Variants in ZFAND3 observed in about 807,000 individuals in gnomAD.
ZFAND3 encodes AN1-type zinc finger protein 3.
In ZFAND3, 10 loss-of-function variants were observed where a neutral mutation model predicts 29.6. The ratio of observed to expected loss-of-function variants is 0.34; its 90% CI spans 0.21 to 0.57. The LOEUF is 0.57. ZFAND3 is among the 20% of genes least tolerant of loss of function. The pLI, the probability that ZFAND3 is intolerant of heterozygous loss-of-function variation, is 0.86. For synonymous variants in ZFAND3, 128 were observed against 112.6 expected, an observed-to-expected ratio of 1.14 and a Z score of -0.87; for missense variants, 230 against 304.5, an observed-to-expected ratio of 0.76 and a Z score of 1.82.
chr6:37,864,663 G>A (rs1764552650), intron 1 of ZFAND3, among the ~76,000 whole-genome samples: 1 of 151,908 alleles, frequency 6.6e-6, no homozygotes, highest in Non-Finnish European at 1.5e-5. Context: ...ATGTATGTGT[G>A]TGGGTGTATA....
rs1581712422 is a variant in ZFAND3 at position 37,856,719 on chromosome 6, A to G, written c.71+36703A>G. On this transcript the variant is annotated intron_variant, in intron 1 of 5. Coordinates refer to ENST00000287218, the MANE Select transcript of ZFAND3 (RefSeq NM_021943.3). ...AATATACATATTTCTTATTTTTTAT[A>G]TACAATAATTTTGTGAGGATGTATT... Among the ~76,000 whole-genome samples the G allele has an allele frequency of 3.9e-5, 6 of 152,284 alleles. No individual in the cohort carries two copies. The South Asian group carries it at 1.2e-3, about 32-fold the overall frequency.
chr6:37,926,953 G>A (rs1761496468), intron 1 of ZFAND3, among the ~76,000 whole-genome samples: 1 of 152,172 alleles, frequency 6.6e-6, no homozygotes, highest in African/African-American at 2.4e-5. Context: ...TGACCCATGT[G>A]ATCCAAGCTG....
intron 5 of ZFAND3, among the ~76,000 whole-genome samples, chr6:38,139,353 A>G (rs1009161685): frequency 2.6e-5 from 4 of 152,200 alleles, no homozygotes; most frequent in African/African-American, 9.6e-5. Context: ...GCTTGATTTT[A>G]TGAAATCTAG....
intron 2 of ZFAND3, among the ~76,000 whole-genome samples, chr6:38,002,365 G>T (rs1762964950): frequency 6.7e-6 from 1 of 150,016 alleles, no homozygotes; most frequent in Non-Finnish European, 1.5e-5. Context: ...ATACAGTTTT[G>T]GGAAAATATG....
At chr6:37,913,807 T>C (rs532686568) in intron 1 of ZFAND3, among the ~76,000 whole-genome samples, 88 of 149,362 alleles carry the variant, frequency 5.9e-4, no homozygotes, top group African/African-American at 2.1e-3. Flanking sequence ...GCCTCCCGGG[T>C]TTAAGCGATT....
intron 1 of ZFAND3, among the ~76,000 whole-genome samples, chr6:37,849,253 G>A (rs1430126528): frequency 6.6e-6 from 1 of 152,122 alleles, no homozygotes; most frequent in African/African-American, 2.4e-5. Flanking sequence ...TCCCCTTTTA[G>A]AGTTGCATTG....
At chr6:37,964,285 C>T (rs1381462009) in intron 2 of ZFAND3, among the ~76,000 whole-genome samples, 2 of 152,164 alleles carry the variant, frequency 1.3e-5, no homozygotes, top group African/African-American at 4.8e-5. Context: ...ACTACCCTAC[C>T]ATGCTACAGG....
Position 37,909,284 on chromosome 6 carries a change from T to C in ZFAND3, c.72-20675T>C, listed in dbSNP as rs866182175. Among the ~76,000 whole-genome samples, 49 of 151,112 alleles carry C rather than the reference T, an allele frequency of 3.2e-4. 1 individual carries two copies. Among genetic ancestry groups the C allele is most frequent in the Admixed American group, 1.1e-3 (17 of 15,180 alleles). ...ATTTTTTTTCTTTTTTTCTTTTTTT[T>C]TTTTTTCTTTTTTGAGACGGAGTCT... On this transcript the variant is annotated intron_variant, in intron 1 of 5. Coordinates refer to ENST00000287218, the MANE Select transcript of ZFAND3 (RefSeq NM_021943.3).
At chr6:38,138,569 C>G (rs9357262) in intron 5 of ZFAND3, among the ~76,000 whole-genome samples, 8,203 of 152,282 alleles carry the variant, frequency 0.054, 630 homozygotes, top group East Asian at 0.39. Context: ...GGCTGCCTTT[C>G]TCTTCCATCA....
At chr6:37,939,614 T>A (rs527945856) in intron 2 of ZFAND3, among the ~76,000 whole-genome samples, 2 of 152,320 alleles carry the variant, frequency 1.3e-5, no homozygotes, top group East Asian at 3.9e-4. Flanking sequence ...ATGGAAGAGA[T>A]GTGCACTCAA....
chr6:37,862,034 A>AT (rs1478715613), intron 1 of ZFAND3, among the ~76,000 whole-genome samples: 2 of 152,166 alleles, frequency 1.3e-5, no homozygotes, highest in Non-Finnish European at 2.9e-5. Flanking sequence ...CTTCAGAATT[A>AT]TTTTTTAAAA....
At chr6:37,998,007 C>G (rs1463617574) in intron 2 of ZFAND3, among the ~76,000 whole-genome samples, 2 of 152,106 alleles carry the variant, frequency 1.3e-5, no homozygotes, top group Non-Finnish European at 2.9e-5. Flanking sequence ...CACAGAAAAA[C>G]CTGCATATGA....
At chr6:37,927,049 A>G (rs1488261294) in intron 1 of ZFAND3, among the ~76,000 whole-genome samples, 3 of 152,192 alleles carry the variant, frequency 2.0e-5, no homozygotes, top group Non-Finnish European at 4.4e-5. Flanking sequence ...TAATAATATC[A>G]GTAGTTATAT....
intron 2 of ZFAND3, among the ~76,000 whole-genome samples, chr6:38,057,365 C>G (rs971219480): frequency 2.0e-5 from 3 of 152,038 alleles, no homozygotes; most frequent in African/African-American, 4.8e-5. Flanking sequence ...CTGGGTGGTT[C>G]AGAAAGAAAG....
chr6:38,088,753 G>GA (rs1764806100), intron 4 of ZFAND3, among the ~76,000 whole-genome samples: 1 of 152,116 alleles, frequency 6.6e-6, no homozygotes, highest in Non-Finnish European at 1.5e-5. Flanking sequence ...ACTTGAAAAA[G>GA]GATGGTTAAA....
intron 1 of ZFAND3, 30 bp downstream of exon 1, chr6:37,820,046 G>GCGGGGGC (rs1356495790): frequency 1.1e-5 from 11 of 1,002,354 alleles, no homozygotes; most frequent in Middle Eastern, 4.1e-4. Flanking sequence ...GGGGCGGGGG[G>GCGGGGGC]CGGGGGCCGG....
At chr6:37,845,037 A>AAG (rs1764153003) in intron 1 of ZFAND3, among the ~76,000 whole-genome samples, 1 of 151,908 alleles carries the variant, frequency 6.6e-6, no homozygotes, top group Admixed American at 6.6e-5. Context: ...AAAAAAAAAA[A>AAG]AAGCAATTAT....
At chr6:38,036,754 T>C (rs1362986732) in intron 2 of ZFAND3, among the ~76,000 whole-genome samples, 1 of 152,174 alleles carries the variant, frequency 6.6e-6, no homozygotes, top group Non-Finnish European at 1.5e-5. Context: ...TATATGAGTA[T>C]ATATTTTTTA....
chr6:38,095,756 C>T (rs771233120), intron 4 of ZFAND3, among the ~76,000 whole-genome samples: 16 of 152,198 alleles, frequency 1.1e-4, no homozygotes, highest in Non-Finnish European at 2.2e-4. Context: ...TTCAGCCAGA[C>T]ACGGTGGCTC....
Sources: allele counts gnomAD v4.1 joint callset (sites outside exome capture counted in the v4.1 genomes callset), GRCh38; gene constraint gnomAD v4.1.1; transcripts MANE v1.5; gene names NCBI Gene and HGNC (gene_info 2026-07-23, HGNC 2026-07-21).